Variants in NETO1 observed in about 807,000 individuals in gnomAD.
The protein encoded by NETO1 is neuropilin and tolloid-like protein 1.
Under a neutral mutation model 61.3 loss-of-function variants are expected in NETO1, and 26 were observed. The observed-to-expected ratio is 0.42, with a 90% confidence interval of 0.31 to 0.59. The LOEUF (loss-of-function observed/expected upper bound fraction) is 0.59, where lower values mean the gene tolerates loss of function less well. Among genes scored for constraint, NETO1 ranks in the 20% least tolerant of loss-of-function variants. The pLI is 0.12. For missense variants in NETO1, 531 were observed against 662.8 expected (o/e 0.80, Z 2.18); for synonymous variants, 225 against 225.8 (o/e 1.00, Z 0.03).
intron 4 of NETO1, among the ~76,000 whole-genome samples, chr18:72,857,603 A>G (rs984343115): frequency 6.6e-6 from 1 of 152,172 alleles, no homozygotes; most frequent in African/African-American, 2.4e-5. Context: ...ATCAGTTAAG[A>G]AAAAAATACC....
rs2070406069 is a variant in NETO1, at chr18:72,745,275, A to T, written c.*2904T>A. 1 of 152,234 alleles carries T rather than the reference A, an allele frequency of 6.6e-6. No homozygotes were observed. The highest frequency in any genetic ancestry group is 2.4e-5 in the African/African-American group (1 of 41,460). The allele number at this position is 152,234 out of a possible 1,614,324, so 9.4% of individuals were successfully genotyped here. ...TATAAAAACATACAAAATAAATCAG[A>T]TTTCCAAATTAGAACCTTGAAATTA... On this transcript the variant is annotated 3_prime_UTR_variant, in exon 11 of 11. Transcript: ENST00000327305.
intron 4 of NETO1, among the ~76,000 whole-genome samples, chr18:72,822,761 GTT>G (rs1274809297): frequency 1.3e-5 from 2 of 152,106 alleles, no homozygotes; most frequent in Non-Finnish European, 2.9e-5. Flanking sequence ...CTGTAATCTT[GTT>G]TATAAATTGT....
At chr18:72,851,023 A>G (rs2074231911) in intron 4 of NETO1, among the ~76,000 whole-genome samples, 1 of 152,200 alleles carries the variant, frequency 6.6e-6, no homozygotes, top group Non-Finnish European at 1.5e-5. Flanking sequence ...TGGGATCAGC[A>G]GCCCTGAATA....
chr18:72,823,675 A>T (rs2073282871), intron 4 of NETO1, among the ~76,000 whole-genome samples: 1 of 152,180 alleles, frequency 6.6e-6, no homozygotes, highest in African/African-American at 2.4e-5. Context: ...AATGAGCTAA[A>T]CATGTTCTTT....
chr18:72,774,946 ATT>A (rs1167942719), intron 7 of NETO1, among the ~76,000 whole-genome samples: 3 of 152,018 alleles, frequency 2.0e-5, no homozygotes, highest in African/African-American at 7.2e-5. Context: ...GATAATATTG[ATT>A]TTCTTTGTCT....
intron 4 of NETO1, among the ~76,000 whole-genome samples, chr18:72,808,625 T>C (rs1364494551): frequency 2.6e-5 from 4 of 152,202 alleles, no homozygotes; most frequent in East Asian, 1.9e-4. Flanking sequence ...TTAAGCATCA[T>C]GGCAAAGCCT....
intron 7 of NETO1, among the ~76,000 whole-genome samples, chr18:72,766,864 CTACA>C (rs1156549392): frequency 6.6e-6 from 1 of 152,128 alleles, no homozygotes; most frequent in Non-Finnish European, 1.5e-5. Context: ...CTAGAAATTA[CTACA>C]TACTTTTATA....
intron 8 of NETO1, among the ~76,000 whole-genome samples, chr18:72,752,864 C>A (rs1438137966): frequency 6.6e-6 from 1 of 152,064 alleles, no homozygotes; most frequent in Non-Finnish European, 1.5e-5. Flanking sequence ...CAATTACTAA[C>A]ATGATAACTT....
At chr18:72,760,670 G>A (rs1157557231) in intron 7 of NETO1, among the ~76,000 whole-genome samples, 1 of 152,112 alleles carries the variant, frequency 6.6e-6, no homozygotes. Flanking sequence ...TCTGTAAAAT[G>A]GGGATAAAGA....
chr18:72,849,782 A>G (rs1000891620), intron 4 of NETO1, among the ~76,000 whole-genome samples: 1 of 152,214 alleles, frequency 6.6e-6, no homozygotes, highest in Non-Finnish European at 1.5e-5. Flanking sequence ...AAATCAAGGC[A>G]TTTGCAGGGC....
At chr18:72,859,730 A>G (rs2074512192) in intron 3 of NETO1, among the ~76,000 whole-genome samples, 1 of 152,148 alleles carries the variant, frequency 6.6e-6, no homozygotes, top group Non-Finnish European at 1.5e-5. Context: ...CTTGTCTTCT[A>G]AGAAAGTAAG....
chr18:72,841,922 T>A (rs534951092), intron 4 of NETO1, among the ~76,000 whole-genome samples: 38 of 152,128 alleles, frequency 2.5e-4, no homozygotes, highest in Non-Finnish European at 4.4e-4. Flanking sequence ...ACCTTGAAAT[T>A]CATGGCCAAG....
At chr18:72,822,042 A>G (rs771892676) in intron 4 of NETO1, among the ~76,000 whole-genome samples, 4 of 152,032 alleles carry the variant, frequency 2.6e-5, no homozygotes, top group Non-Finnish European at 5.9e-5. Flanking sequence ...CTCTAGGGGC[A>G]TTTTTCCTGG....
chr18:72,832,226 A>T (rs1178219368), intron 4 of NETO1, among the ~76,000 whole-genome samples: 1 of 152,176 alleles, frequency 6.6e-6, no homozygotes, highest in Non-Finnish European at 1.5e-5. Context: ...TGTAATTCTT[A>T]AAAAAGTAGA....
At chr18:72,796,845 A>C (rs1313470351) in intron 4 of NETO1, among the ~76,000 whole-genome samples, 1 of 152,230 alleles carries the variant, frequency 6.6e-6, no homozygotes, top group Non-Finnish European at 1.5e-5. Context: ...TAGGGACATC[A>C]TAGATCATTT....
chr18:72,757,447 T>C (rs930904598), intron 7 of NETO1, among the ~76,000 whole-genome samples: 2 of 151,792 alleles, frequency 1.3e-5, no homozygotes, highest in Non-Finnish European at 2.9e-5. Context: ...GGCAAAGAAA[T>C]AGCTAATTCA....
chr18:72,853,683 G>A (rs373295041), intron 4 of NETO1, among the ~76,000 whole-genome samples: 27 of 151,574 alleles, frequency 1.8e-4, no homozygotes, highest in East Asian at 1.6e-3. Flanking sequence ...ACTGAAACCC[G>A]GAGGCAGAGG....
intron 4 of NETO1, among the ~76,000 whole-genome samples, chr18:72,807,930 T>C (rs888052261): frequency 5.9e-5 from 9 of 152,234 alleles, no homozygotes; most frequent in Admixed American, 1.3e-4. Flanking sequence ...TCTCTCAGAA[T>C]GCTGTTATTT....
intron 4 of NETO1, among the ~76,000 whole-genome samples, chr18:72,801,393 A>G (rs180828811): frequency 4.2e-4 from 64 of 152,266 alleles, no homozygotes; most frequent in African/African-American, 1.4e-3. Context: ...CTAAAAATCT[A>G]TTTGTCTTTT....
Sources: allele counts gnomAD v4.1 joint callset (sites outside exome capture counted in the v4.1 genomes callset), GRCh38; gene constraint gnomAD v4.1.1; transcripts MANE v1.5; gene names NCBI Gene and HGNC (gene_info 2026-07-23, HGNC 2026-07-21).